Variants in PHF24 observed in about 807,000 individuals in gnomAD.
PHF24 encodes the protein PHD finger protein 24, also known as Galpha inhibitory interacting protein.
Under a neutral mutation model 42.6 loss-of-function variants are expected in PHF24, and 25 were observed. The observed-to-expected ratio is 0.59, with a 90% confidence interval of 0.43 to 0.82. The LOEUF (loss-of-function observed/expected upper bound fraction) is 0.82, where lower values mean the gene tolerates loss of function less well. Among genes scored for constraint, PHF24 ranks in the 40% least tolerant of loss-of-function variants. The probability of loss-of-function intolerance (pLI) is 0.00; values close to 1 mark genes in which losing one functional copy is unlikely to be tolerated. For synonymous variants in PHF24, 185 were observed against 204.8 expected, an observed-to-expected ratio of 0.90 and a Z score of 0.83; for missense variants, 470 against 538.1, an observed-to-expected ratio of 0.87 and a Z score of 1.25.
the PHF24 span, among the ~76,000 whole-genome samples, chr9:34,875,952 T>C: frequency 4.6e-5 from 1 of 21,554 alleles, no homozygotes; most frequent in Non-Finnish European, 1.1e-4. Flanking sequence ...ACACACACAC[T>C]CTCTCTCTCT....
At chr9:34,706,202 CTGTAAT>C in the PHF24 span, among the ~76,000 whole-genome samples, 2 of 151,856 alleles carry the variant, frequency 1.3e-5, no homozygotes, top group Admixed American at 6.6e-5. Flanking sequence ...ATAATATAAA[CTGTAAT>C]TATGATCTAA....
chr9:34,699,112 T>C, the PHF24 span, among the ~76,000 whole-genome samples: 1 of 152,242 alleles, frequency 6.6e-6, no homozygotes, highest in African/African-American at 2.4e-5. Flanking sequence ...GCAGCATTCA[T>C]TATGAAATGA....
At chr9:34,924,746 A>C in the PHF24 span, among the ~76,000 whole-genome samples, 1 of 152,108 alleles carries the variant, frequency 6.6e-6, no homozygotes, top group Admixed American at 6.5e-5. Flanking sequence ...ATGTCTTTTG[A>C]TTGGAGAGTT....
In PHF24 at chr9:34,973,272, T is replaced by C. The variant is rs113834043; in HGVS notation, c.564+741T>C. ...GAGATCCTAACCAGCTTGCTTCCAG[T>C]AGGGGTAGATTCTATCACAGGAAAA... On this transcript the variant is annotated intron_variant, in intron 3 of 7. Transcript: ENST00000242315. Among the ~76,000 whole-genome samples, 654 of 152,268 alleles carry C rather than the reference T, an allele frequency of 4.3e-3. 4 individuals are homozygous for C. Among genetic ancestry groups the C allele is most frequent in the African/African-American group, 0.014 (580 of 41,548 alleles).
At chr9:34,821,637 C>T in the PHF24 span, among the ~76,000 whole-genome samples, 7 of 152,208 alleles carry the variant, frequency 4.6e-5, no homozygotes, top group Admixed American at 6.5e-5. Flanking sequence ...GAGCCAAGTG[C>T]CTGTGTGTAG....
the PHF24 span, among the ~76,000 whole-genome samples, chr9:34,806,766 T>C: frequency 7.9e-5 from 12 of 152,242 alleles, no homozygotes; most frequent in Non-Finnish European, 1.2e-4. Context: ...GCCCAGATTA[T>C]AAGTTTTGCA....
At chr9:34,867,642 T>G in the PHF24 span, among the ~76,000 whole-genome samples, 2 of 152,186 alleles carry the variant, frequency 1.3e-5, no homozygotes, top group African/African-American at 4.8e-5. Flanking sequence ...TTGATGGTTT[T>G]TGTTAAAAGT....
chr9:34,700,578 A>G, the PHF24 span, among the ~76,000 whole-genome samples: 2 of 152,182 alleles, frequency 1.3e-5, no homozygotes, highest in Non-Finnish European at 2.9e-5. Flanking sequence ...CCTGGTATAG[A>G]CTTAAGTTGA....
At chr9:34,709,565 G>C in the PHF24 span, 2 of 1,614,154 alleles carry the variant, frequency 1.2e-6, no homozygotes, top group Non-Finnish European at 1.7e-6. Flanking sequence ...CCTTCCTGCA[G>C]CCCTGGGCTG....
At chr9:34,938,024 A>T in the PHF24 span, among the ~76,000 whole-genome samples, 2 of 152,190 alleles carry the variant, frequency 1.3e-5, no homozygotes, top group Non-Finnish European at 2.9e-5. Context: ...TCAGAAAAAG[A>T]TGGATGAATT....
the PHF24 span, among the ~76,000 whole-genome samples, chr9:34,902,292 A>G: frequency 2.7e-5 from 3 of 113,176 alleles, no homozygotes; most frequent in African/African-American, 2.6e-5. Flanking sequence ...TTACTACTCA[A>G]CCAAACAAAA....
the PHF24 span, among the ~76,000 whole-genome samples, chr9:34,862,556 C>G: frequency 6.6e-6 from 1 of 152,074 alleles, no homozygotes; most frequent in African/African-American, 2.4e-5. Context: ...AGAAAGGAAC[C>G]TGCTACCTTG....
the PHF24 span, among the ~76,000 whole-genome samples, chr9:34,677,581 A>C: frequency 3.3e-5 from 5 of 151,840 alleles, no homozygotes; most frequent in Non-Finnish European, 5.9e-5. Flanking sequence ...TATTTTTAGT[A>C]GAGACGGGGT....
chr9:34,875,084 G>GAA, the PHF24 span, among the ~76,000 whole-genome samples: 1 of 152,078 alleles, frequency 6.6e-6, no homozygotes, highest in Non-Finnish European at 1.5e-5. Context: ...TTGAACCCAT[G>GAA]AACCATTTTC....
At chr9:34,955,321 C>CAAAA (rs146827510), upstream of PHF24, among the ~76,000 whole-genome samples, 1 of 137,834 alleles carries the variant, frequency 7.3e-6, no homozygotes, top group Non-Finnish European at 1.6e-5. Flanking sequence ...CAAGAATATG[C>CAAAA]AAAAAAAAAA....
At chr9:34,765,488 T>A in the PHF24 span, among the ~76,000 whole-genome samples, 13 of 150,370 alleles carry the variant, frequency 8.6e-5, no homozygotes, top group African/African-American at 3.2e-4. Context: ...CTTTGTTGGT[T>A]TAAAGTCTGT....
At chr9:34,848,317 G>A in the PHF24 span, among the ~76,000 whole-genome samples, 2 of 151,696 alleles carry the variant, frequency 1.3e-5, no homozygotes, top group Non-Finnish European at 2.9e-5. Context: ...CTTCTTCCTG[G>A]TTTAGTCTTG....
chr9:34,753,993 G>A, the PHF24 span, among the ~76,000 whole-genome samples: 1 of 151,984 alleles, frequency 6.6e-6, no homozygotes, highest in South Asian at 2.1e-4. Context: ...AATCGATTGG[G>A]TCTAGTTTTT....
the PHF24 span, among the ~76,000 whole-genome samples, chr9:34,886,513 A>G: frequency 6.6e-6 from 1 of 152,150 alleles, no homozygotes; most frequent in Non-Finnish European, 1.5e-5. Flanking sequence ...TTGTCATTCC[A>G]TTGGTCACCT....
Sources: allele counts gnomAD v4.1 joint callset (sites outside exome capture counted in the v4.1 genomes callset), GRCh38; gene constraint gnomAD v4.1.1; transcripts MANE v1.5; gene names NCBI Gene and HGNC (gene_info 2026-07-23, HGNC 2026-07-21).